LDLRAD4: variants seen among roughly 807,000 people sequenced by gnomAD.
The protein encoded by LDLRAD4 is low-density lipoprotein receptor class A domain-containing protein 4.
Under a neutral mutation model 17.0 loss-of-function variants are expected in LDLRAD4, and 5 were observed. That is an observed-to-expected ratio of 0.29 (90% confidence interval 0.15 to 0.62). The LOEUF (loss-of-function observed/expected upper bound fraction) is 0.62. Ranked by LOEUF, LDLRAD4 falls within the 20% of genes least tolerant of loss-of-function variation. The probability of loss-of-function intolerance (pLI) is 0.84; values close to 1 mark genes in which losing one functional copy is unlikely to be tolerated. For synonymous variants in LDLRAD4, 168 were observed against 171.8 expected (o/e 0.98, Z 0.17); for missense variants, 340 against 424.7 (o/e 0.80, Z 1.75).
chr18:13,449,473 C>T (rs761160285), intron 3 of LDLRAD4, among the ~76,000 whole-genome samples: 1 of 152,254 alleles, frequency 6.6e-6, no homozygotes, highest in African/African-American at 2.4e-5. Context: ...TGCATCTCCC[C>T]ATTTCAGAGA....
intron 2 of LDLRAD4, among the ~76,000 whole-genome samples, chr18:13,390,759 C>T (rs560581326): frequency 3.3e-5 from 5 of 152,366 alleles, no homozygotes; most frequent in African/African-American, 1.2e-4. Context: ...AGTGTTCACA[C>T]TGTTGGGTGC....
intron 1 of LDLRAD4, among the ~76,000 whole-genome samples, chr18:13,330,756 C>T (rs2081815242): frequency 1.3e-5 from 2 of 152,176 alleles, no homozygotes; most frequent in Admixed American, 1.3e-4. Context: ...TGGGGCTGGT[C>T]ACCAGAAAGA....
rs1157718015 is a variant in LDLRAD4 at position 13,610,265 on chromosome 18, A to ATTTTTTTTTTTTT, written c.182-10824_182-10812dup. Among the ~76,000 whole-genome samples, 22 of 62,508 alleles carry ATTTTTTTTTTTTT rather than the reference A, an allele frequency of 3.5e-4. 6 individuals are homozygous for ATTTTTTTTTTTTT. The highest frequency in any genetic ancestry group is 5.4e-4 in the Non-Finnish European group (16 of 29,688). 41.0% of individuals were successfully genotyped at this position (62,508 alleles called of 152,430 possible). ...TTCCATGAAGTTCACCAAAGCCCTA[A>ATTTTTTTTTTTTT]TTTTTTTTTTTTTTTTTTTTTTTTT... On this transcript the variant is annotated intron_variant, in intron 3 of 5. Coordinates refer to ENST00000359446, the Ensembl canonical transcript of LDLRAD4.
chr18:13,335,798 A>G (rs1425987860), intron 1 of LDLRAD4, among the ~76,000 whole-genome samples: 1 of 152,210 alleles, frequency 6.6e-6, no homozygotes, highest in Non-Finnish European at 1.5e-5. Flanking sequence ...GATTTGTGGC[A>G]TAGAGTATTA....
At chr18:13,542,989 A>T (rs2094307814) in intron 3 of LDLRAD4, 1 of 152,154 alleles carries the variant, frequency 6.6e-6, no homozygotes, top group Admixed American at 6.6e-5. Context: ...AAACGTGGTA[A>T]ATATGGCCCA....
At chr18:13,608,917 G>C (rs2095250353) in intron 3 of LDLRAD4, among the ~76,000 whole-genome samples, 1 of 152,194 alleles carries the variant, frequency 6.6e-6, no homozygotes, top group South Asian at 2.1e-4. Flanking sequence ...AGTCCTTGTT[G>C]CTACCAACAA....
At chr18:13,611,745 G>T in intron 3 of LDLRAD4, 2 of 985,542 alleles carry the variant, frequency 2.0e-6, no homozygotes, top group Middle Eastern at 5.2e-4. Context: ...ATGATGTGAG[G>T]CAGAGGGAGA....
At chr18:13,370,348 G>A (rs1043607871) in intron 1 of LDLRAD4, among the ~76,000 whole-genome samples, 2 of 152,222 alleles carry the variant, frequency 1.3e-5, no homozygotes, top group African/African-American at 2.4e-5. Context: ...TCCAGGGTCC[G>A]GAGGTGGGGC....
At chr18:13,595,579 G>A (rs1391326829) in intron 3 of LDLRAD4, among the ~76,000 whole-genome samples, 2 of 152,026 alleles carry the variant, frequency 1.3e-5, no homozygotes, top group South Asian at 2.1e-4. Context: ...GAACTCCTAG[G>A]CTTAAGCCAA....
intron 3 of LDLRAD4, among the ~76,000 whole-genome samples, chr18:13,560,534 T>G (rs1325332499): frequency 6.6e-6 from 1 of 152,236 alleles, no homozygotes; most frequent in African/African-American, 2.4e-5. Flanking sequence ...TCAGATGACC[T>G]GGTAGGGCTC....
intron 3 of LDLRAD4, chr18:13,615,225 T>C (rs2039967308): frequency 6.6e-6 from 1 of 152,204 alleles, no homozygotes; most frequent in Non-Finnish European, 1.5e-5. Context: ...CCTGCCAAGG[T>C]GTTTACTTGG....
At chr18:13,435,251 C>T (rs1029883173) in intron 2 of LDLRAD4, among the ~76,000 whole-genome samples, 4 of 152,176 alleles carry the variant, frequency 2.6e-5, no homozygotes, top group Admixed American at 2.0e-4. Flanking sequence ...CTCATTCCAG[C>T]TTTAGCATTA....
intron 1 of LDLRAD4, among the ~76,000 whole-genome samples, chr18:13,282,333 C>A (rs1203443555): frequency 6.6e-6 from 1 of 152,180 alleles, no homozygotes; most frequent in Non-Finnish European, 1.5e-5. Context: ...CAGAAGTCCA[C>A]AGTCCAAAGT....
intron 1 of LDLRAD4, among the ~76,000 whole-genome samples, chr18:13,265,674 A>G (rs1475524935): frequency 1.3e-5 from 2 of 152,082 alleles, no homozygotes; most frequent in South Asian, 4.2e-4. Context: ...CTCCCCAGGC[A>G]CGTTTCCGAG....
intron 2 of LDLRAD4, among the ~76,000 whole-genome samples, chr18:13,414,800 T>G (rs1209312418): frequency 6.6e-6 from 1 of 152,134 alleles, no homozygotes; most frequent in African/African-American, 2.4e-5. Flanking sequence ...GGTGGCTTCA[T>G]TATTTGCCAG....
intron 1 of LDLRAD4, among the ~76,000 whole-genome samples, chr18:13,257,664 G>A (rs1043635984): frequency 6.6e-6 from 1 of 152,196 alleles, no homozygotes; most frequent in African/African-American, 2.4e-5. Flanking sequence ...ACCTGGGGGT[G>A]ACTTTGTTCC....
chr18:13,278,006 C>T (rs574504867), upstream of LDLRAD4: 3 of 152,270 alleles, frequency 2.0e-5, no homozygotes, highest in African/African-American at 7.2e-5. Flanking sequence ...TATGCCTCTT[C>T]TCGTGACAGC....
chr18:13,289,657 A>T (rs948047641), intron 1 of LDLRAD4, among the ~76,000 whole-genome samples: 1 of 152,180 alleles, frequency 6.6e-6, no homozygotes, highest in Non-Finnish European at 1.5e-5. Context: ...TGCTAAAATT[A>T]TGGGGCCGTC....
At chr18:13,392,805 T>C (rs148661576) in intron 2 of LDLRAD4, among the ~76,000 whole-genome samples, 2 of 152,324 alleles carry the variant, frequency 1.3e-5, no homozygotes, top group East Asian at 1.9e-4. Flanking sequence ...CAAATTCCTA[T>C]AGAATTTATA....
Sources: gnomAD v4.1 joint callset for allele counts (sites outside exome capture counted in the v4.1 genomes callset) on GRCh38, gnomAD v4.1.1 for gene constraint, MANE v1.5 for transcripts, NCBI Gene and HGNC (gene_info 2026-07-23, HGNC 2026-07-21) for gene names.